Variants in EIF4G3 observed in about 807,000 individuals in gnomAD.
EIF4G3 encodes the protein eukaryotic translation initiation factor 4 gamma 3.
A neutral mutation model predicts 186.4 loss-of-function variants in EIF4G3; 34 were observed. The ratio of observed to expected loss-of-function variants is 0.18; its 90% CI spans 0.14 to 0.24. EIF4G3 has a LOEUF of 0.24. Among genes scored for constraint, EIF4G3 ranks in the 10% least tolerant of loss-of-function variants. The pLI is 1.00. For missense variants in EIF4G3, 1,536 were observed against 1,948.5 expected (o/e 0.79, Z 3.99); for synonymous variants, 673 against 679.5 (o/e 0.99, Z 0.15).
intron 29 of EIF4G3, 85 bp downstream of exon 29, chr1:20,849,330 T>A (rs748772972): frequency 2.3e-5 from 15 of 656,208 alleles, no homozygotes; most frequent in Non-Finnish European, 3.7e-5. Flanking sequence ...CAGTTCACAA[T>A]GACACCTGAT....
intron 33 of EIF4G3, among the ~76,000 whole-genome samples, chr1:20,820,672 C>G (rs1401418200): frequency 6.6e-6 from 1 of 152,136 alleles, no homozygotes; most frequent in Non-Finnish European, 1.5e-5. Flanking sequence ...CATTTCTTCC[C>G]CTCTGAGGTA....
intron 15 of EIF4G3, among the ~76,000 whole-genome samples, chr1:20,901,395 T>C (rs1206383265): frequency 2.0e-5 from 3 of 152,150 alleles, no homozygotes; most frequent in Non-Finnish European, 4.4e-5. Context: ...TTTAATAATC[T>C]GAGATATCAG....
At chr1:20,859,306 A>G (rs1211587045) in intron 24 of EIF4G3, among the ~76,000 whole-genome samples, 1 of 152,202 alleles carries the variant, frequency 6.6e-6, no homozygotes, top group Non-Finnish European at 1.5e-5. Flanking sequence ...GTTATTACCC[A>G]AAAGGCACTG....
chr1:20,814,066 C>T (rs955642591), intron 34 of EIF4G3, among the ~76,000 whole-genome samples: 1 of 150,066 alleles, frequency 6.7e-6, no homozygotes, highest in Non-Finnish European at 1.5e-5. Flanking sequence ...CCTGCCTCAG[C>T]CTCCTGAGTA....
chr1:20,950,078 C>T lies in EIF4G3; in HGVS notation c.748G>A (p.Val250Met), dbSNP rs754627627. Residue 250 changes from valine to methionine, a missense_variant, in exon 13 of 37, where the codon GTG becomes ATG. Around this residue, in one of 11 missense-constraint regions of EIF4G3, gnomAD observed 560 missense variants for 547.8 expected, o/e 1.02. Coordinates refer to ENST00000602326, the MANE Select transcript of EIF4G3 (RefSeq NM_001391906.1). ...LPSQVPEHSPVVYGTVESAHL... is the reference protein window; with the variant it reads ...LPSQVPEHSPMVYGTVESAHL... ...GCGCTCTCCACAGTCCCATAAACCA[C>T]AGGGCTGTGCTCGGGGACCTGGCTG... is the stretch of plus-strand genomic sequence containing the variant. 1.2e-5 allele frequency: 19 copies of T among 1,604,924 alleles called. No individual in the cohort carries two copies. Among genetic ancestry groups the T allele is most frequent in the Non-Finnish European group, 1.5e-5 (18 of 1,177,172 alleles).
At chr1:20,894,533 G>A (rs756975351) in intron 17 of EIF4G3, among the ~76,000 whole-genome samples, 9 of 152,152 alleles carry the variant, frequency 5.9e-5, no homozygotes, top group South Asian at 2.1e-4. Flanking sequence ...CATTTATGCC[G>A]GAGGCTGCAA....
intron 4 of EIF4G3, chr1:21,003,670 A>T (rs1231087672): frequency 5.5e-6 from 2 of 364,886 alleles, no homozygotes; most frequent in South Asian, 2.4e-5. Flanking sequence ...TTATTCTGCC[A>T]TTTTTTTTCT....
intron 12 of EIF4G3, among the ~76,000 whole-genome samples, chr1:20,967,882 A>G (rs2075042166): frequency 6.6e-6 from 1 of 152,244 alleles, no homozygotes. Context: ...CCATCCAGGC[A>G]TAAAAGAGCA....
chr1:21,006,892 T>C (rs1210881505), intron 4 of EIF4G3, among the ~76,000 whole-genome samples: 1 of 152,180 alleles, frequency 6.6e-6, no homozygotes, highest in Non-Finnish European at 1.5e-5. Flanking sequence ...ACAAAAATAA[T>C]TATAACATAA....
chr1:21,045,607 T>C (rs2093836169), intron 4 of EIF4G3, among the ~76,000 whole-genome samples: 1 of 152,166 alleles, frequency 6.6e-6, no homozygotes, highest in African/African-American at 2.4e-5. Context: ...TAGACAATGA[T>C]GCCAAGAGAA....
intron 4 of EIF4G3, among the ~76,000 whole-genome samples, chr1:21,011,047 T>C (rs1422679058): frequency 6.6e-6 from 1 of 152,080 alleles, no homozygotes; most frequent in Non-Finnish European, 1.5e-5. Flanking sequence ...TCAACAATGA[T>C]AGAAAAGCAA....
intron 19 of EIF4G3, among the ~76,000 whole-genome samples, chr1:20,880,944 T>C (rs571244966): frequency 2.6e-5 from 4 of 152,328 alleles, no homozygotes; most frequent in Non-Finnish European, 5.9e-5. Context: ...CTTTTGTTTT[T>C]TGTTTTGGGT....
In EIF4G3 at chr1:20,825,081, A is replaced by G. The variant is rs756907016; in HGVS notation, c.4368+19T>C. ...AGATCAACTACTATCAAACAGCAAAACATAAGCCTTGTTCTTACCTGCTCC... is the reference window on the plus strand; with the variant it reads ...AGATCAACTACTATCAAACAGCAAAGCATAAGCCTTGTTCTTACCTGCTCC... On this transcript the variant is annotated intron_variant, in intron 33 of 36. Transcript: ENST00000602326. 3.0e-5 allele frequency: 47 copies of G among 1,543,024 alleles called. No individual in the cohort carries two copies. The highest frequency in any genetic ancestry group is 4.1e-5 in the Non-Finnish European group (46 of 1,125,904).
intron 18 of EIF4G3, among the ~76,000 whole-genome samples, chr1:20,890,756 A>C (rs1449518401): frequency 6.6e-6 from 1 of 152,118 alleles, no homozygotes; most frequent in African/African-American, 2.4e-5. Flanking sequence ...GTGCCTGGCC[A>C]TTTTTGTTCC....
chr1:20,901,406 T>C (rs934450911), intron 15 of EIF4G3, among the ~76,000 whole-genome samples: 4 of 152,142 alleles, frequency 2.6e-5, no homozygotes, highest in African/African-American at 9.7e-5. Flanking sequence ...GAGATATCAG[T>C]ATGTAAATGG....
chr1:21,077,748 C>T (rs1357162959), intron 3 of EIF4G3, among the ~76,000 whole-genome samples: 3 of 151,718 alleles, frequency 2.0e-5, no homozygotes, highest in East Asian at 1.9e-4. Flanking sequence ...GGCGTGGTGG[C>T]GCATGCCTGT....
chr1:21,071,805 C>CAA (rs545364139), intron 3 of EIF4G3, among the ~76,000 whole-genome samples: 9 of 91,346 alleles, frequency 9.9e-5, no homozygotes, highest in East Asian at 8.2e-4. Flanking sequence ...GGCTCCGTCT[C>CAA]AAAAAAAAAA....
chr1:20,849,619 A>AC (rs1190593280), intron 28 of EIF4G3, 89 bp from the exon 29 acceptor site: 1 of 536,264 alleles, frequency 1.9e-6, no homozygotes, highest in African/African-American at 2.0e-5. Flanking sequence ...ATGTGCTATT[A>AC]CATTATTTTA....
intron 12 of EIF4G3, among the ~76,000 whole-genome samples, chr1:20,951,555 A>C (rs1317409416): frequency 6.6e-6 from 1 of 152,202 alleles, no homozygotes; most frequent in Non-Finnish European, 1.5e-5. Flanking sequence ...TCACAGCTAA[A>C]ACTAAAAATA....
Sources: allele counts gnomAD v4.1 joint callset (sites outside exome capture counted in the v4.1 genomes callset), GRCh38; gene constraint gnomAD v4.1.1; regional missense constraint gnomAD v4.1.1; transcripts MANE v1.5; gene names NCBI Gene and HGNC (gene_info 2026-07-23, HGNC 2026-07-21).